The following SCNN1B variants were observed in gnomAD, a reference collection of about 807,000 sequenced individuals.
The protein encoded by SCNN1B is epithelial sodium channel subunit beta.
In SCNN1B, 46 loss-of-function variants were observed where a neutral mutation model predicts 65.3. The ratio of observed to expected loss-of-function variants is 0.70; its 90% confidence interval spans 0.56 to 0.90. SCNN1B has a LOEUF of 0.90. Ranked by LOEUF, SCNN1B falls within the 40% of genes least tolerant of loss-of-function variation. SCNN1B has a pLI of 0.00. For missense variants in SCNN1B, 751 were observed against 830.5 expected (o/e 0.90, Z 1.18); for synonymous variants, 349 against 330.6 (o/e 1.06, Z -0.60).
intron 1 of SCNN1B, among the ~76,000 whole-genome samples, chr16:23,330,271 C>T (rs1320297135): frequency 6.6e-6 from 1 of 152,138 alleles, no homozygotes; most frequent in African/African-American, 2.4e-5. Flanking sequence ...CCTGGATGGG[C>T]CCAACGTGAA....
chr16:23,353,113 A>C, intron 3 of SCNN1B, 39 bp downstream of exon 3: 1 of 1,609,250 alleles, frequency 6.2e-7, no homozygotes, highest in Non-Finnish European at 8.5e-7. Context: ...AATGGGCCCC[A>C]CCCAGTGAGG....
intron 1 of SCNN1B, among the ~76,000 whole-genome samples, chr16:23,307,840 A>G (rs983656768): frequency 1.2e-4 from 19 of 152,310 alleles, no homozygotes; most frequent in African/African-American, 4.1e-4. Context: ...ACTTGAGCCC[A>G]GGAGTTCAAG....
chr16:23,350,374 G>T (rs571455419), intron 2 of SCNN1B, among the ~76,000 whole-genome samples: 3 of 152,122 alleles, frequency 2.0e-5, no homozygotes, highest in Middle Eastern at 3.2e-3. Flanking sequence ...TCCATTCTCC[G>T]CTTGATAGCA....
chr16:23,332,932 C>T (rs373099965), intron 1 of SCNN1B, among the ~76,000 whole-genome samples: 5 of 152,038 alleles, frequency 3.3e-5, no homozygotes, highest in East Asian at 1.9e-4. Flanking sequence ...TAGCTGGACG[C>T]GGCGGCAGGC....
At chr16:23,371,654 G>A (rs1209032909) in intron 6 of SCNN1B, 122 bp from the exon 7 acceptor site, 62 of 1,013,982 alleles carry the variant, frequency 6.1e-5, no homozygotes, top group Admixed American at 2.6e-4. Context: ...CCCCTCTGGC[G>A]CCCCCCCTGG....
At chr16:23,291,951 G>C (rs1960931428) in intron 2 of SCNN1B, among the ~76,000 whole-genome samples, 1 of 151,770 alleles carries the variant, frequency 6.6e-6, no homozygotes, top group Non-Finnish European at 1.5e-5. Context: ...ACAAGGTTTT[G>C]TGTAAATACT....
At chr16:23,325,424 G>A (rs1371935466) in intron 1 of SCNN1B, among the ~76,000 whole-genome samples, 1 of 151,690 alleles carries the variant, frequency 6.6e-6, no homozygotes, top group Non-Finnish European at 1.5e-5. Flanking sequence ...GCACCACCAT[G>A]CCCAGCTAAT....
chr16:23,348,923 G>A lies in SCNN1B; in HGVS notation c.311+13G>A, dbSNP rs551701303. 2.8e-5 allele frequency: 45 copies of A among 1,611,888 alleles called. 1 individual carries two copies. Among genetic ancestry groups the A allele is most frequent in the Middle Eastern group, 1.7e-4 (1 of 6,060 alleles). On this transcript the variant is annotated intron_variant, in intron 2 of 12. Transcript: ENST00000343070. This position sits in a 1 kb window ranked among gnomAD's most constrained non-coding sequence, Gnocchi z 4.5. ...CTAGCCCCTTCAAGTAGGTGGCCCC[G>A]GAGTGCACAGCTGGCCTCAGCAGAC...
intron 1 of SCNN1B, among the ~76,000 whole-genome samples, chr16:23,337,495 A>G (rs935836113): frequency 1.3e-5 from 2 of 150,394 alleles, no homozygotes; most frequent in Non-Finnish European, 2.9e-5. Context: ...CTCCTGCCTC[A>G]GCCTCCCAAG....
intron 1 of SCNN1B, among the ~76,000 whole-genome samples, chr16:23,336,480 T>C (rs1310168900): frequency 6.6e-6 from 1 of 151,462 alleles, no homozygotes; most frequent in Non-Finnish European, 1.5e-5. Flanking sequence ...CAAGCAATTC[T>C]CCTGCCTCAG....
intron 1 of SCNN1B, among the ~76,000 whole-genome samples, chr16:23,321,620 AC>A (rs1055988317): frequency 6.6e-6 from 1 of 151,848 alleles, no homozygotes; most frequent in Non-Finnish European, 1.5e-5. Context: ...AGAGGCAATG[AC>A]CCCCCGGAGC....
intron 1 of SCNN1B, among the ~76,000 whole-genome samples, chr16:23,341,823 G>A (rs1962060762): frequency 6.6e-6 from 1 of 152,108 alleles, no homozygotes; most frequent in Admixed American, 6.6e-5. Flanking sequence ...TTTTTAAAAT[G>A]GATAATAAGT....
At chr16:23,299,624 A>G (rs934301332), upstream of SCNN1B, among the ~76,000 whole-genome samples, 1 of 152,230 alleles carries the variant, frequency 6.6e-6, no homozygotes, top group Non-Finnish European at 1.5e-5. Context: ...AGAAATGCAA[A>G]TCAAAACCAC....
intron 1 of SCNN1B, among the ~76,000 whole-genome samples, chr16:23,313,719 C>T (rs1961392132): frequency 6.6e-6 from 1 of 152,188 alleles, no homozygotes; most frequent in Non-Finnish European, 1.5e-5. Context: ...TCAAGCCATT[C>T]TCCTGCCCCA....
intron 1 of SCNN1B, among the ~76,000 whole-genome samples, chr16:23,333,121 G>A (rs1321451779): frequency 9.1e-6 from 1 of 110,182 alleles, no homozygotes; most frequent in Non-Finnish European, 1.8e-5. Flanking sequence ...GAGGGAGGGA[G>A]GGAGGGAGGG....
intron 1 of SCNN1B, among the ~76,000 whole-genome samples, chr16:23,343,581 G>GAAAGAA: frequency 1.4e-5 from 1 of 70,386 alleles, no homozygotes; most frequent in Middle Eastern, 8.1e-3. Context: ...GAAAGAAAAA[G>GAAAGAA]AGAAAGAAAG....
intron 7 of SCNN1B, among the ~76,000 whole-genome samples, chr16:23,375,177 G>A (rs1485977789): frequency 3.3e-5 from 5 of 151,958 alleles, no homozygotes; most frequent in African/African-American, 4.8e-5. Context: ...CCTCTTCCTC[G>A]CCCCACCAGG....
intron 1 of SCNN1B, among the ~76,000 whole-genome samples, chr16:23,304,889 G>A (rs1379051483): frequency 6.6e-6 from 1 of 152,164 alleles, no homozygotes; most frequent in Non-Finnish European, 1.5e-5. Flanking sequence ...AAACTGTTAG[G>A]TGGATTAGTG....
intron 2 of SCNN1B, among the ~76,000 whole-genome samples, chr16:23,287,393 G>T (rs2141968890): frequency 6.6e-6 from 1 of 152,168 alleles, no homozygotes; most frequent in East Asian, 1.9e-4. Flanking sequence ...AATGGTAAAA[G>T]ACATTTTGAG....
Sources: allele counts gnomAD v4.1 joint callset (sites outside exome capture counted in the v4.1 genomes callset), GRCh38; gene constraint gnomAD v4.1.1; non-coding constraint Gnocchi (gnomAD v3.1); transcripts MANE v1.5; gene names NCBI Gene and HGNC (gene_info 2026-07-23, HGNC 2026-07-21).